The following NR3C2 variants were observed in gnomAD, a reference collection of about 807,000 sequenced individuals.
NR3C2 encodes mineralocorticoid receptor.
NR3C2 carries 15 observed loss-of-function variants against 86.4 expected under a neutral mutation model. That is an observed-to-expected ratio of 0.17 (90% CI 0.12 to 0.27). The LOEUF (loss-of-function observed/expected upper bound fraction) is 0.27. Ranked by LOEUF, NR3C2 falls within the 10% of genes least tolerant of loss-of-function variation. NR3C2 has a pLI of 1.00. For missense variants in NR3C2, 960 were observed against 1,195.6 expected (o/e 0.80, Z 2.91); for synonymous variants, 458 against 450.5 (o/e 1.02, Z -0.21).
chr4:148,260,123 G>A lies in NR3C2; in HGVS notation c.1758-6C>T, dbSNP rs2149871877. On this transcript the variant is annotated splice_polypyrimidine_tract_variant and splice_region_variant and intron_variant, in intron 2 of 8. Transcript: ENST00000358102. ...AAACACTTCGTAAAGTAGAGCTGGG[G>A]AAAGAAATTGAGATTTAAATAACTA... is the stretch of plus-strand genomic sequence containing the variant. 1.2e-6 allele frequency: 2 copies of A among 1,613,830 alleles called. No individual in the cohort carries two copies. Among genetic ancestry groups the A allele is most frequent in the Middle Eastern group, 1.6e-4 (1 of 6,062 alleles).
At position 148,205,391 on chromosome 4, in the gene NR3C2, T is replaced by TC. The variant is rs1401302885; in HGVS notation, c.1898-10530dup. On this transcript the variant is annotated intron_variant, in intron 3 of 8. Coordinates refer to ENST00000358102, the MANE Select transcript of NR3C2 (RefSeq NM_000901.5). ...ACATCTGGTGAAAAGGCTCTCTCTCTCCCCCTCTCCTATCCTCTAACCACC... is the reference window on the plus strand; with the variant it reads ...ACATCTGGTGAAAAGGCTCTCTCTCTCCCCCCTCTCCTATCCTCTAACCACC... Among the ~76,000 whole-genome samples the TC allele has an allele frequency of 2.6e-5, 4 of 152,258 alleles. No individual in the cohort carries two copies. In the East Asian group the frequency reaches 7.7e-4, roughly 29 times the overall value.
At chr4:148,181,543 GA>G (rs1193538503) in intron 4 of NR3C2, among the ~76,000 whole-genome samples, 1 of 152,142 alleles carries the variant, frequency 6.6e-6, no homozygotes, top group African/African-American at 2.4e-5. Flanking sequence ...CATATTTTAG[GA>G]AAAGCTCTAA....
chr4:148,081,983 T>A (rs983886468), intron 8 of NR3C2, among the ~76,000 whole-genome samples: 3 of 152,092 alleles, frequency 2.0e-5, no homozygotes, highest in Non-Finnish European at 4.4e-5. Context: ...AGCTGTGGTG[T>A]TCCCCTAACT....
At chr4:148,191,844 T>C (rs1736211298) in intron 4 of NR3C2, among the ~76,000 whole-genome samples, 1 of 152,246 alleles carries the variant, frequency 6.6e-6, no homozygotes, top group Non-Finnish European at 1.5e-5. Flanking sequence ...TTTGATTGTT[T>C]TTTTCTTTAA....
At chr4:148,182,595 A>C (rs1366558505) in intron 4 of NR3C2, among the ~76,000 whole-genome samples, 2 of 152,218 alleles carry the variant, frequency 1.3e-5, no homozygotes, top group Non-Finnish European at 2.9e-5. Context: ...AGAAAACAGT[A>C]ACAAATTATG....
upstream of NR3C2, chr4:148,442,726 A>C: frequency 1.1e-5 from 11 of 985,358 alleles, no homozygotes; most frequent in Non-Finnish European, 1.3e-5. Context: ...GCTTCCTTAA[A>C]GCCGCAGCCG....
intron 3 of NR3C2, chr4:148,201,162 C>T (rs918912668): frequency 7.9e-5 from 12 of 152,164 alleles, no homozygotes; most frequent in Admixed American, 2.6e-4. Flanking sequence ...CCCCCTGAAT[C>T]ACAGATCTGA....
intron 3 of NR3C2, among the ~76,000 whole-genome samples, chr4:148,255,438 G>T (rs1440896044): frequency 6.6e-6 from 1 of 152,172 alleles, no homozygotes; most frequent in Non-Finnish European, 1.5e-5. Context: ...ACTTGTAATT[G>T]TATCTTTTAC....
intron 3 of NR3C2, among the ~76,000 whole-genome samples, chr4:148,205,504 G>A (rs1219568520): frequency 6.6e-6 from 1 of 152,164 alleles, no homozygotes; most frequent in Non-Finnish European, 1.5e-5. Context: ...TTTAACCACA[G>A]TAAATATGTT....
intron 2 of NR3C2, among the ~76,000 whole-genome samples, chr4:148,275,812 G>GA (rs1475500164): frequency 2.0e-5 from 3 of 151,936 alleles, no homozygotes; most frequent in African/African-American, 7.3e-5. Context: ...AACCATCAGG[G>GA]AAAAAAACTG....
chr4:148,440,703 AAAAG>A (rs1321823766), intron 1 of NR3C2, among the ~76,000 whole-genome samples: 1 of 152,252 alleles, frequency 6.6e-6, no homozygotes, highest in African/African-American at 2.4e-5. Flanking sequence ...TCTCAAACAC[AAAAG>A]AAATGCTGTT....
At position 148,186,221 on chromosome 4, in the gene NR3C2, T is replaced by G. The variant is rs1735883837; in HGVS notation, c.2014+8525A>C. Among the ~76,000 whole-genome samples, 4 of 152,358 alleles carry G rather than the reference T, an allele frequency of 2.6e-5. No individual in the cohort carries two copies. In the South Asian group the frequency reaches 8.3e-4, roughly 32 times the overall value. On this transcript the variant is annotated intron_variant, in intron 4 of 8. Transcript: ENST00000358102. ...GCATTTCTATTATAATGATTAGATT[T>G]AGAATCTTTTCATGTGTTTCAAGAA...
At chr4:148,372,200 C>T (rs1349760475) in intron 2 of NR3C2, among the ~76,000 whole-genome samples, 1 of 152,098 alleles carries the variant, frequency 6.6e-6, no homozygotes, top group East Asian at 1.9e-4. Context: ...ATATCATCCT[C>T]TTTTCATTAA....
chr4:148,363,504 C>CTTTTTTTTTTTTTTTTTTT (rs1375693723), intron 2 of NR3C2, among the ~76,000 whole-genome samples: 1,484 of 69,332 alleles, frequency 0.021, 326 homozygotes, highest in African/African-American at 0.026. Flanking sequence ...TCTCATAGAT[C>CTTTTTTTTTTTTTTTTTTT]TCTTTTTTTT....
intron 3 of NR3C2, among the ~76,000 whole-genome samples, chr4:148,246,096 CAA>C (rs1739301795): frequency 5.3e-5 from 1 of 18,996 alleles, no homozygotes; most frequent in Non-Finnish European, 8.9e-5. Flanking sequence ...GATGCTATAA[CAA>C]CAACAACAAC....
At chr4:148,265,548 T>C (rs915637260) in intron 2 of NR3C2, among the ~76,000 whole-genome samples, 2 of 152,228 alleles carry the variant, frequency 1.3e-5, no homozygotes, top group African/African-American at 2.4e-5. Flanking sequence ...TGATCCACTT[T>C]CAGTGATTAG....
chr4:148,220,990 G>GGCCCTTGCCA (rs1737809181), intron 3 of NR3C2, among the ~76,000 whole-genome samples: 1 of 152,198 alleles, frequency 6.6e-6, no homozygotes, highest in African/African-American at 2.4e-5. Flanking sequence ...GCTAAGAGGA[G>GGCCCTTGCCA]TAAAATGAAG....
chr4:148,154,465 C>A, intron 5 of NR3C2, 86 bp downstream of exon 5: 1 of 1,223,992 alleles, frequency 8.2e-7, no homozygotes, highest in Non-Finnish European at 1.2e-6. Flanking sequence ...AACGCAAACT[C>A]CTCCTGCATG....
intron 2 of NR3C2, among the ~76,000 whole-genome samples, chr4:148,276,716 G>T (rs931866334): frequency 6.6e-6 from 1 of 152,118 alleles, no homozygotes; most frequent in Non-Finnish European, 1.5e-5. Flanking sequence ...AGAAACAAAC[G>T]TCAATCATTC....
Sources: allele counts gnomAD v4.1 joint callset (sites outside exome capture counted in the v4.1 genomes callset), GRCh38; gene constraint gnomAD v4.1.1; transcripts MANE v1.5; gene names NCBI Gene and HGNC (gene_info 2026-07-23, HGNC 2026-07-21).